Variants in MROH9 observed in about 807,000 individuals in gnomAD.
MROH9 encodes maestro heat like repeat family member 9.
Under a neutral mutation model 98.2 loss-of-function variants are expected in MROH9, and 92 were observed. The observed-to-expected ratio is 0.94, with a 90% CI of 0.79 to 1.11. The LOEUF (loss-of-function observed/expected upper bound fraction) is 1.11. Among genes scored for constraint, MROH9 ranks in the 50% most tolerant of loss-of-function variants. The pLI is 0.00. For missense variants in MROH9, 1,057 were observed against 1,014.8 expected, an observed-to-expected ratio of 1.04 and a Z score of -0.57; for synonymous variants, 397 against 368.9, an observed-to-expected ratio of 1.08 and a Z score of -0.87.
chr1:171,040,339 ACATAC>A (rs1475595959), intron 20 of MROH9, among the ~76,000 whole-genome samples: 4 of 152,102 alleles, frequency 2.6e-5, no homozygotes, highest in Non-Finnish European at 5.9e-5. Flanking sequence ...TTACATACTT[ACATAC>A]CATACATTTG....
At chr1:170,945,659 G>C (rs970464269) in intron 2 of MROH9, 78 bp downstream of exon 2, 5 of 1,259,496 alleles carry the variant, frequency 4.0e-6, no homozygotes, top group Middle Eastern at 1.9e-4. Flanking sequence ...AGATGACAGA[G>C]AGAAACCTAT....
At chr1:170,999,409 A>C (rs748833682) in intron 15 of MROH9, among the ~76,000 whole-genome samples, 2 of 152,056 alleles carry the variant, frequency 1.3e-5, no homozygotes, top group Admixed American at 6.6e-5. Flanking sequence ...CAGAGAACAT[A>C]CCATGTTTGG....
At chr1:170,977,530 G>T (rs538406222) in intron 8 of MROH9, among the ~76,000 whole-genome samples, 5 of 152,174 alleles carry the variant, frequency 3.3e-5, no homozygotes, top group Non-Finnish European at 5.9e-5. Flanking sequence ...GTGTGATCTG[G>T]TCTGGTCAAT....
chr1:170,960,534 G>A (rs1216494944), intron 5 of MROH9, among the ~76,000 whole-genome samples: 1 of 152,102 alleles, frequency 6.6e-6, no homozygotes, highest in African/African-American at 2.4e-5. Flanking sequence ...TACCCACATA[G>A]CATACAATTT....
intron 20 of MROH9, among the ~76,000 whole-genome samples, chr1:171,047,422 T>C (rs1653504301): frequency 6.6e-6 from 1 of 152,218 alleles, no homozygotes; most frequent in Non-Finnish European, 1.5e-5. Context: ...TTTTGCTTGA[T>C]GAATTCTGCT....
chr1:171,058,459 AC>A (rs1475519222), intron 20 of MROH9, among the ~76,000 whole-genome samples: 4 of 152,062 alleles, frequency 2.6e-5, no homozygotes, highest in Non-Finnish European at 5.9e-5. Flanking sequence ...TTCCCATCAT[AC>A]TACTATTGAC....
intron 20 of MROH9, among the ~76,000 whole-genome samples, chr1:171,026,257 T>C (rs1489103783): frequency 6.6e-6 from 1 of 150,792 alleles, no homozygotes; most frequent in Non-Finnish European, 1.5e-5. Flanking sequence ...TGTGTTATCA[T>C]AACTTTCTGT....
intron 17 of MROH9, among the ~76,000 whole-genome samples, chr1:171,021,896 T>A (rs1652531548): frequency 2.1e-5 from 3 of 140,096 alleles, no homozygotes; most frequent in Non-Finnish European, 1.5e-5. Context: ...AAACTTAAAT[T>A]TACAAGAAAA....
At chr1:170,971,992 C>A in intron 8 of MROH9, 109 bp downstream of exon 8, 1 of 1,172,306 alleles carries the variant, frequency 8.5e-7, no homozygotes, top group Non-Finnish European at 1.2e-6. Flanking sequence ...AAATCCTGCC[C>A]CAAGAGTCAT....
chr1:171,025,628 T>C (rs986170893), intron 20 of MROH9, among the ~76,000 whole-genome samples: 1 of 152,230 alleles, frequency 6.6e-6, no homozygotes, highest in Non-Finnish European at 1.5e-5. Context: ...TTGATTATTA[T>C]GCAAAATGTG....
At chr1:171,056,587 G>C (rs1017898001) in intron 20 of MROH9, among the ~76,000 whole-genome samples, 4 of 149,048 alleles carry the variant, frequency 2.7e-5, no homozygotes, top group African/African-American at 9.9e-5. Context: ...CAGATGAGTG[G>C]GTTTCCCCCT....
At chr1:170,943,598 G>A (rs2101867357) in intron 1 of MROH9, among the ~76,000 whole-genome samples, 1 of 151,582 alleles carries the variant, frequency 6.6e-6, no homozygotes, top group Non-Finnish European at 1.5e-5. Context: ...AATAAACAAG[G>A]AATCCTTTGG....
chr1:171,015,186 G>A lies in MROH9; in HGVS notation c.1734+932G>A, dbSNP rs1483994643. The A allele has an allele frequency of 7.2e-5, 28 of 389,536 alleles. No individual in the cohort carries two copies. In the East Asian group the frequency reaches 1.7e-3, roughly 23 times the overall value. The allele number at this position is 389,536 out of a possible 1,614,324, so 24.1% of individuals were successfully genotyped here. A position where few individuals can be genotyped will look rare whatever the true frequency, so the allele number is the denominator to read the frequency against. The stretch of plus-strand genomic sequence containing the variant: ...AACTGAAGCCTATCAGTGGACACCC[G>A]TTGTGCATTTAGAATGACATAAGCC... On this transcript the variant is annotated intron_variant, in intron 16 of 21. Coordinates refer to ENST00000367759, the MANE Select transcript of MROH9 (RefSeq NM_001163629.2).
chr1:171,035,249 T>C (rs1173697498), intron 20 of MROH9, among the ~76,000 whole-genome samples: 1 of 150,042 alleles, frequency 6.7e-6, no homozygotes, highest in Non-Finnish European at 1.5e-5. Flanking sequence ...AGACAAAAAA[T>C]CCAATAGATC....
chr1:170,969,367 T>G (rs907432474), intron 7 of MROH9, among the ~76,000 whole-genome samples: 1 of 152,192 alleles, frequency 6.6e-6, no homozygotes, highest in African/African-American at 2.4e-5. Flanking sequence ...TCCTATTCTG[T>G]TATGTTTTAT....
chr1:170,998,983 A>G (rs1178168035), intron 15 of MROH9, among the ~76,000 whole-genome samples: 8 of 152,190 alleles, frequency 5.3e-5, no homozygotes, highest in African/African-American at 1.9e-4. Flanking sequence ...TTTCAAAAGT[A>G]TACATAAATT....
At chr1:170,945,055 C>T (rs1227680580) in intron 1 of MROH9, among the ~76,000 whole-genome samples, 1 of 151,872 alleles carries the variant, frequency 6.6e-6, no homozygotes, top group Non-Finnish European at 1.5e-5. Flanking sequence ...AGGTTGGAGA[C>T]AGAAGTCAGA....
chr1:171,016,029 A>T, intron 16 of MROH9, 134 bp from the exon 17 acceptor site: 1 of 472,988 alleles, frequency 2.1e-6, no homozygotes, highest in Non-Finnish European at 3.5e-6. Context: ...ATTTTTGAAA[A>T]TTTGACAAGA....
chr1:170,989,678 T>C (rs527304919), intron 10 of MROH9, among the ~76,000 whole-genome samples, 177 bp from the exon 11 acceptor site: 2 of 152,386 alleles, frequency 1.3e-5, no homozygotes, highest in Non-Finnish European at 2.9e-5. Flanking sequence ...TCCAGATGAA[T>C]ATTTTGCATT....
Sources: allele counts gnomAD v4.1 joint callset (sites outside exome capture counted in the v4.1 genomes callset), GRCh38; gene constraint gnomAD v4.1.1; transcripts MANE v1.5; gene names NCBI Gene and HGNC (gene_info 2026-07-23, HGNC 2026-07-21).